The following AGBL1 variants were observed in gnomAD, a reference collection of about 807,000 sequenced individuals.
AGBL1 encodes cytosolic carboxypeptidase 4.
AGBL1 carries 130 observed loss-of-function variants against 118.9 expected under a neutral mutation model. That is an observed-to-expected ratio of 1.09 (90% CI 0.95 to 1.26). AGBL1 has a LOEUF of 1.26. AGBL1 is among the 50% of genes most tolerant of loss of function. The pLI is 0.00. For missense variants in AGBL1, 1,584 were observed against 1,298.1 expected (o/e 1.22, Z -3.38); for synonymous variants, 555 against 478.9 (o/e 1.16, Z -2.08).
chr15:86,135,512 A>G (rs775139089), intron 1 of AGBL1, among the ~76,000 whole-genome samples: 1 of 152,190 alleles, frequency 6.6e-6, no homozygotes, highest in African/African-American at 2.4e-5. Flanking sequence ...TTCTGTAACA[A>G]TGTTCTCACT....
chr15:86,245,907 G>T (rs1346672572), intron 6 of AGBL1, among the ~76,000 whole-genome samples: 1 of 149,940 alleles, frequency 6.7e-6, no homozygotes. Context: ...TTCTTTCTTT[G>T]TTTTTTTTTC....
intron 24 of AGBL1, among the ~76,000 whole-genome samples, chr15:86,993,127 T>C (rs1177467273): frequency 1.3e-5 from 2 of 152,222 alleles, no homozygotes; most frequent in Non-Finnish European, 2.9e-5. Flanking sequence ...AGTATCAACA[T>C]TGTGCTCTAA....
At chr15:86,946,860 A>AG (rs1221524867) in intron 23 of AGBL1, among the ~76,000 whole-genome samples, 1 of 148,622 alleles carries the variant, frequency 6.7e-6, no homozygotes, top group Non-Finnish European at 1.5e-5. Context: ...AAAAAAAAAA[A>AG]ACAAAATAGA....
chr15:86,928,362 T>C (rs2080568335), intron 23 of AGBL1, among the ~76,000 whole-genome samples: 1 of 152,104 alleles, frequency 6.6e-6, no homozygotes, highest in African/African-American at 2.4e-5. Flanking sequence ...GGACCTGGCC[T>C]AAGAGAGGCC....
chr15:86,610,874 C>T (rs1361992658), intron 21 of AGBL1, among the ~76,000 whole-genome samples: 1 of 152,122 alleles, frequency 6.6e-6, no homozygotes, highest in Non-Finnish European at 1.5e-5. Context: ...CTGTCCTGTG[C>T]TCTGGATCAG....
At chr15:86,543,392 T>C (rs1367570297) in intron 19 of AGBL1, among the ~76,000 whole-genome samples, 2 of 152,222 alleles carry the variant, frequency 1.3e-5, no homozygotes, top group Non-Finnish European at 2.9e-5. Context: ...TTCTTTAGAC[T>C]GTCAGTTGTG....
Position 86,912,069 on chromosome 15 carries a change from C to T in AGBL1, c.*4775C>T, listed in dbSNP as rs987331320. 2.0e-5 allele frequency: 3 copies of T among 152,146 alleles called. No individual in the cohort carries two copies. Among genetic ancestry groups the T allele is most frequent in the Non-Finnish European group, 2.9e-5 (2 of 68,042 alleles). The allele number at this position is 152,146 out of a possible 1,614,324, so 9.4% of individuals were successfully genotyped here. A position where few individuals can be genotyped will look rare whatever the true frequency, so the allele number is the denominator to read the frequency against. On this transcript the variant is annotated 3_prime_UTR_variant, in exon 23 of 23. Coordinates refer to ENST00000614907, the MANE Select transcript of AGBL1 (RefSeq NM_001386094.1). The stretch of plus-strand genomic sequence containing the variant: ...CTTCAAACTCAGACATCCAATGTTT[C>T]AATGAAATCTCACTTATTTTCCTTA...
At chr15:86,455,407 C>G (rs534482773) in intron 18 of AGBL1, among the ~76,000 whole-genome samples, 10 of 152,118 alleles carry the variant, frequency 6.6e-5, no homozygotes, top group Non-Finnish European at 1.5e-5. Flanking sequence ...TCTCTAGCAT[C>G]AGGCTTTCCA....
intron 17 of AGBL1, among the ~76,000 whole-genome samples, chr15:86,365,195 A>T (rs1299702190): frequency 6.6e-6 from 1 of 152,054 alleles, no homozygotes; most frequent in Non-Finnish European, 1.5e-5. Context: ...CAATGTCCAG[A>T]CAGAAGGAAA....
intron 22 of AGBL1, among the ~76,000 whole-genome samples, chr15:86,726,969 G>A (rs1474185690): frequency 1.3e-5 from 2 of 151,212 alleles, no homozygotes; most frequent in Non-Finnish European, 2.9e-5. Context: ...AGATACACGT[G>A]GGGAGCTTTT....
intron 21 of AGBL1, among the ~76,000 whole-genome samples, chr15:86,609,274 C>G (rs375077864): frequency 2.0e-5 from 3 of 152,064 alleles, no homozygotes; most frequent in Non-Finnish European, 4.4e-5. Context: ...AGAACACACA[C>G]AAGAAAATCA....
At chr15:86,896,449 C>T (rs1236970498) in intron 22 of AGBL1, among the ~76,000 whole-genome samples, 2 of 151,184 alleles carry the variant, frequency 1.3e-5, no homozygotes, top group African/African-American at 2.4e-5. Flanking sequence ...CTGATGGGGG[C>T]CTCAAGTTTT....
chr15:86,208,415 C>T (rs1253590137), intron 5 of AGBL1, among the ~76,000 whole-genome samples: 2 of 148,272 alleles, frequency 1.3e-5, no homozygotes, highest in Non-Finnish European at 3.0e-5. Flanking sequence ...CTCTTTGTAC[C>T]TCTGGTAGAA....
At chr15:86,128,936 A>C in intron 1 of AGBL1, among the ~76,000 whole-genome samples, 1 of 152,182 alleles carries the variant, frequency 6.6e-6, no homozygotes, top group East Asian at 1.9e-4. Flanking sequence ...GTGGCTACCT[A>C]ATAAATATCT....
At chr15:87,019,641 A>G (rs536495708) in intron 24 of AGBL1, among the ~76,000 whole-genome samples, 4 of 152,260 alleles carry the variant, frequency 2.6e-5, no homozygotes, top group East Asian at 1.9e-4. Context: ...AGGGAAATTT[A>G]TAGCACTAAA....
chr15:86,124,018 G>C (rs1443720598), intron 1 of AGBL1, among the ~76,000 whole-genome samples: 1 of 152,064 alleles, frequency 6.6e-6, no homozygotes, highest in Non-Finnish European at 1.5e-5. Flanking sequence ...ATCTAGTAAA[G>C]TCCAGAGTTT....
intron 22 of AGBL1, among the ~76,000 whole-genome samples, chr15:86,711,093 T>C (rs1400475550): frequency 6.6e-6 from 1 of 152,086 alleles, no homozygotes; most frequent in Non-Finnish European, 1.5e-5. Flanking sequence ...GGGAAGCAAA[T>C]ACTTCAATAT....
At chr15:86,349,651 G>C (rs1052209831) in intron 17 of AGBL1, among the ~76,000 whole-genome samples, 1 of 152,210 alleles carries the variant, frequency 6.6e-6, no homozygotes, top group African/African-American at 2.4e-5. Flanking sequence ...ACACAAGCCA[G>C]TTGCAATGAA....
At chr15:87,010,454 A>G (rs775373442) in intron 24 of AGBL1, among the ~76,000 whole-genome samples, 3 of 152,192 alleles carry the variant, frequency 2.0e-5, no homozygotes, top group African/African-American at 4.8e-5. Context: ...ACACCACCCA[A>G]CATGGATGAG....
Sources: allele counts gnomAD v4.1 joint callset (sites outside exome capture counted in the v4.1 genomes callset), GRCh38; gene constraint gnomAD v4.1.1; transcripts MANE v1.5; gene names NCBI Gene and HGNC (gene_info 2026-07-23, HGNC 2026-07-21).